ZFYVE28: variants seen among roughly 807,000 people sequenced by gnomAD.
ZFYVE28 encodes the protein lateral signaling target protein 2 homolog.
Under a neutral mutation model 82.1 loss-of-function variants are expected in ZFYVE28, and 40 were observed. That is an observed-to-expected ratio of 0.49 (90% CI 0.38 to 0.63). The LOEUF (loss-of-function observed/expected upper bound fraction) is 0.63, where lower values mean the gene tolerates loss of function less well. Among genes scored for constraint, ZFYVE28 ranks in the 30% least tolerant of loss-of-function variants. The pLI is 0.00. For missense variants in ZFYVE28, 1,321 were observed against 1,242.1 expected (o/e 1.06, Z -0.96); for synonymous variants, 612 against 546.1 (o/e 1.12, Z -1.68).
chr4:2,273,313 C>T, intron 9 of ZFYVE28, 24 bp from the exon 10 acceptor site: 19 of 1,598,664 alleles, frequency 1.2e-5, no homozygotes, highest in Non-Finnish European at 1.6e-5. Context: ...GCCACAGTAA[C>T]CACGACAGAA....
intron 1 of ZFYVE28, among the ~76,000 whole-genome samples, chr4:2,397,381 G>C (rs1418763219): frequency 6.6e-6 from 1 of 151,728 alleles, no homozygotes; most frequent in Admixed American, 6.6e-5. Context: ...AGGAGGCTGA[G>C]GCAGGAGAAT....
At chr4:2,330,298 A>C in intron 6 of ZFYVE28, 1 of 989,062 alleles carries the variant, frequency 1.0e-6, no homozygotes, top group Non-Finnish European at 1.2e-6. Context: ...AAAATAAATA[A>C]CAGAGTAAGT....
chr4:2,281,655 A>G (rs972964921), intron 8 of ZFYVE28, among the ~76,000 whole-genome samples: 3 of 152,208 alleles, frequency 2.0e-5, no homozygotes, highest in Non-Finnish European at 4.4e-5. Flanking sequence ...CCCCCTCTCA[A>G]CGCTGTTGCA....
chr4:2,369,169 C>G (rs17132485), intron 1 of ZFYVE28, among the ~76,000 whole-genome samples: 16,618 of 152,270 alleles, frequency 0.11, 989 homozygotes, highest in Non-Finnish European at 0.13. Context: ...CCCTGCCATC[C>G]TTCCTCCTGG....
rs1036792488 is a variant in ZFYVE28, at chr4:2,408,646, G to A, written c.39+9639C>T. ...CAGGTAAGCCCACCTAGATGATGGCGCCCCATCCAGATAGAGTCCCGCCCA... is the reference window on the plus strand; with the variant it reads ...CAGGTAAGCCCACCTAGATGATGGCACCCCATCCAGATAGAGTCCCGCCCA... On this transcript the variant is annotated intron_variant, in intron 1 of 12. Coordinates refer to ENST00000290974, the MANE Select transcript of ZFYVE28 (RefSeq NM_020972.3). This position sits in a 1 kb window ranked among gnomAD's most constrained non-coding sequence, Gnocchi z 4.3. Among the ~76,000 whole-genome samples the A allele has an allele frequency of 1.3e-5, 2 of 151,904 alleles. No homozygotes were observed. The highest frequency in any genetic ancestry group is 2.9e-5 in the Non-Finnish European group (2 of 67,968).
chr4:2,371,139 G>A (rs762427054), intron 1 of ZFYVE28, among the ~76,000 whole-genome samples: 3 of 152,224 alleles, frequency 2.0e-5, no homozygotes, highest in African/African-American at 7.2e-5. Context: ...GGGAGCTCAC[G>A]TGGGGGCTGA....
At position 2,397,489 on chromosome 4, in the gene ZFYVE28, A is replaced by T. The variant is rs1458002343; in HGVS notation, c.39+20796T>A. On this transcript the variant is annotated intron_variant, in intron 1 of 12. Transcript: ENST00000290974. ...TCGGTCTCAAAAAAAAAAAAAAAAAAAAAATTTATTCACATTGCTGTGCAA... is the reference window on the plus strand; with the variant it reads ...TCGGTCTCAAAAAAAAAAAAAAAAATAAAATTTATTCACATTGCTGTGCAA... Among the ~76,000 whole-genome samples the T allele has an allele frequency of 2.0e-5, 3 of 151,660 alleles. No individual in the cohort carries two copies. The East Asian group carries it at 5.8e-4, about 29-fold the overall frequency.
intron 4 of ZFYVE28, among the ~76,000 whole-genome samples, chr4:2,338,595 A>AAAATAAAT (rs545143162): frequency 2.6e-5 from 4 of 152,158 alleles, no homozygotes; most frequent in African/African-American, 7.2e-5. Flanking sequence ...TCCGTCTCAG[A>AAAATAAAT]AAATAAATAA....
chr4:2,339,179 C>T lies in ZFYVE28; in HGVS notation c.521+274G>A, dbSNP rs1722346704. On this transcript the variant is annotated intron_variant, in intron 4 of 12. Coordinates refer to ENST00000290974, the MANE Select transcript of ZFYVE28 (RefSeq NM_020972.3). This position sits in a 1 kb window ranked among gnomAD's most constrained non-coding sequence, Gnocchi z 5.0. Reference sequence around the variant, plus strand: ...TCCGAGGCATCATGCATGTCTGGCCCCTCGGGCCTCTCCAAAGCCCTTCCC... The same window carrying T: ...TCCGAGGCATCATGCATGTCTGGCCTCTCGGGCCTCTCCAAAGCCCTTCCC... 6.6e-6 allele frequency among the ~76,000 whole-genome samples: 1 copy of T among 152,200 alleles called. No homozygotes were observed. Among genetic ancestry groups the T allele is most frequent in the Non-Finnish European group, 1.5e-5 (1 of 68,032 alleles).
Position 2,339,740 on chromosome 4 carries a change from C to A in ZFYVE28, c.319-85G>T. ...CCGACCCGGGGAACCTGACTGCGCACCTCGGGGCCCCTCTTCTCACCCCAC... is the reference window on the plus strand; with the variant it reads ...CCGACCCGGGGAACCTGACTGCGCAACTCGGGGCCCCTCTTCTCACCCCAC... On this transcript the variant is annotated intron_variant, in intron 3 of 12. Coordinates refer to ENST00000290974, the MANE Select transcript of ZFYVE28 (RefSeq NM_020972.3). This position sits in a 1 kb window ranked among gnomAD's most constrained non-coding sequence, Gnocchi z 5.0. 7.9e-7 allele frequency: 1 copy of A among 1,273,214 alleles called. No homozygotes were observed. The highest frequency in any genetic ancestry group is 1.1e-6 in the Non-Finnish European group (1 of 935,622). 78.9% of individuals were successfully genotyped at this position (1,273,214 alleles called of 1,614,324 possible).
At chr4:2,404,450 C>G (rs1335281283) in intron 1 of ZFYVE28, among the ~76,000 whole-genome samples, 3 of 16,918 alleles carry the variant, frequency 1.8e-4, no homozygotes, top group Non-Finnish European at 3.5e-4. Flanking sequence ...ATGGAGACTA[C>G]CCAAATGTCC....
chr4:2,334,305 G>A (rs554959740), intron 6 of ZFYVE28, among the ~76,000 whole-genome samples: 4 of 152,122 alleles, frequency 2.6e-5, no homozygotes, highest in East Asian at 3.9e-4. Context: ...GGGAGTGAGC[G>A]GCCTGGCCCA....
At chr4:2,345,125 A>C (rs1723351529) in intron 2 of ZFYVE28, among the ~76,000 whole-genome samples, 1 of 151,704 alleles carries the variant, frequency 6.6e-6, no homozygotes, top group Non-Finnish European at 1.5e-5. Flanking sequence ...GCATGAACCC[A>C]GGAGACAGAG....
intron 2 of ZFYVE28, among the ~76,000 whole-genome samples, chr4:2,347,474 G>T: frequency 6.6e-6 from 1 of 152,230 alleles, no homozygotes; most frequent in South Asian, 2.1e-4. Context: ...CATGATTCCC[G>T]ATTGTATATG....
rs113561744 is a variant in ZFYVE28 at position 2,364,937 on chromosome 4, A to T, written c.40-10864T>A. The T allele has an allele frequency of 6.1e-6, 6 of 981,346 alleles. No individual in the cohort carries two copies. The African/African-American group carries it at 7.0e-5, about 11-fold the overall frequency. 60.8% of individuals were successfully genotyped at this position (981,346 alleles called of 1,614,324 possible). On this transcript the variant is annotated intron_variant, in intron 1 of 12. Transcript: ENST00000290974. ...AGTGGAGGCGGGGGCGGGGCCCAGC[A>T]GGGGCGGCGCAGCCTCAGCCACAGA...
At chr4:2,349,804 GA>G (rs373037401) in intron 2 of ZFYVE28, among the ~76,000 whole-genome samples, 2 of 150,046 alleles carry the variant, frequency 1.3e-5, no homozygotes, top group South Asian at 2.1e-4. Flanking sequence ...AAAAGCATCT[GA>G]AAAAAAAAAT....
chr4:2,376,231 G>A (rs1050744096), intron 1 of ZFYVE28, among the ~76,000 whole-genome samples: 4 of 144,006 alleles, frequency 2.8e-5, no homozygotes, highest in Admixed American at 1.4e-4. Flanking sequence ...TTTTTTTAAT[G>A]TGGCTACTAG....
chr4:2,364,582 A>C, intron 1 of ZFYVE28: 1 of 985,554 alleles, frequency 1.0e-6, no homozygotes, highest in East Asian at 1.1e-4. Context: ...CACTGGGCAC[A>C]GACGCCCGGG....
intron 8 of ZFYVE28, among the ~76,000 whole-genome samples, chr4:2,289,203 A>T (rs1294551192): frequency 6.6e-6 from 1 of 151,700 alleles, no homozygotes; most frequent in African/African-American, 2.4e-5. Context: ...AATTGCTTTA[A>T]CCTGGGAGGC....
Sources: allele counts gnomAD v4.1 joint callset (sites outside exome capture counted in the v4.1 genomes callset), GRCh38; gene constraint gnomAD v4.1.1; non-coding constraint Gnocchi (gnomAD v3.1); transcripts MANE v1.5; gene names NCBI Gene and HGNC (gene_info 2026-07-23, HGNC 2026-07-21).